Variants in ZNF385D observed in about 807,000 individuals in gnomAD.
ZNF385D encodes the protein zinc finger protein 659.
ZNF385D carries 15 observed loss-of-function variants against 35.8 expected under a neutral mutation model. The observed-to-expected ratio is 0.42, with a 90% CI of 0.28 to 0.64. ZNF385D has a LOEUF of 0.64. Ranked by LOEUF, ZNF385D falls within the 30% of genes least tolerant of loss-of-function variation. ZNF385D has a pLI of 0.23. For missense variants in ZNF385D, 474 were observed against 494.6 expected (o/e 0.96, Z 0.39); for synonymous variants, 212 against 186.8 (o/e 1.13, Z -1.10).
At chr3:22,168,986 A>C in exon 3 of ZNF385D, 1 of 985,870 alleles carries the variant, frequency 1.0e-6, no homozygotes, top group Non-Finnish European at 1.2e-6. Flanking sequence ...CTTCAAAGTC[A>C]TCAGGTATTA....
At chr3:21,507,075 T>C (rs1471364982) in intron 4 of ZNF385D, among the ~76,000 whole-genome samples, 1 of 152,204 alleles carries the variant, frequency 6.6e-6, no homozygotes, top group East Asian at 1.9e-4. Context: ...TTATTATTTA[T>C]ACTAATAAAT....
intron 3 of ZNF385D, among the ~76,000 whole-genome samples, chr3:22,144,185 A>G (rs1416140059): frequency 6.6e-6 from 1 of 152,242 alleles, no homozygotes; most frequent in African/African-American, 2.4e-5. Flanking sequence ...AATTTTACAA[A>G]AAATAACTAC....
In ZNF385D at chr3:21,850,286, T is replaced by C. The variant is rs116498211; in HGVS notation, c.326-185258A>G. Among the ~76,000 whole-genome samples, 823 of 152,166 alleles carry C rather than the reference T, an allele frequency of 5.4e-3. 14 individuals are homozygous for C. Among genetic ancestry groups the C allele is most frequent in the African/African-American group, 0.019 (789 of 41,540 alleles). On this transcript the variant is annotated intron_variant, in intron 3 of 5. Coordinates refer to the ZNF385D transcript ENST00000494108. ...TTCTTTAAACAATTATTTTCCAACA[T>C]TGCACAGAAAGAAATATGGGATTAT...
At chr3:21,695,108 A>T (rs2067425649) in intron 1 of ZNF385D, among the ~76,000 whole-genome samples, 1 of 152,242 alleles carries the variant, frequency 6.6e-6, no homozygotes, top group African/African-American at 2.4e-5. Flanking sequence ...GGAGTTGTGT[A>T]TAAATGAACA....
chr3:21,733,657 A>T (rs1214463801), intron 1 of ZNF385D, among the ~76,000 whole-genome samples: 2 of 152,196 alleles, frequency 1.3e-5, no homozygotes, highest in Non-Finnish European at 2.9e-5. Flanking sequence ...GATTACAAAG[A>T]CTTTCCACTG....
chr3:22,151,690 A>T (rs973415277), intron 3 of ZNF385D, among the ~76,000 whole-genome samples: 1 of 152,140 alleles, frequency 6.6e-6, no homozygotes, highest in African/African-American at 2.4e-5. Flanking sequence ...TGTTTTACTC[A>T]AAGTCCAGCG....
intron 3 of ZNF385D, among the ~76,000 whole-genome samples, chr3:21,878,979 G>C (rs904948808): frequency 1.3e-5 from 2 of 151,964 alleles, no homozygotes; most frequent in Non-Finnish European, 2.9e-5. Flanking sequence ...GAGAGCAGGA[G>C]GGTAGGACAG....
chr3:21,487,813 T>A (rs1255554564), intron 4 of ZNF385D, among the ~76,000 whole-genome samples: 1 of 152,128 alleles, frequency 6.6e-6, no homozygotes, highest in African/African-American at 2.4e-5. Context: ...TATTATATCT[T>A]TATTCACAAC....
intron 3 of ZNF385D, among the ~76,000 whole-genome samples, chr3:22,001,145 C>T (rs988170877): frequency 1.1e-4 from 16 of 152,010 alleles, no homozygotes; most frequent in East Asian, 1.9e-4. Context: ...TCCTCACCTA[C>T]CAATAATCGT....
At chr3:21,806,427 G>A (rs758132265) in intron 3 of ZNF385D, among the ~76,000 whole-genome samples, 1 of 151,908 alleles carries the variant, frequency 6.6e-6, no homozygotes, top group Non-Finnish European at 1.5e-5. Context: ...GGATGGTCTC[G>A]ATCTCCTGAC....
chr3:22,135,982 T>G (rs1277553043), intron 3 of ZNF385D, among the ~76,000 whole-genome samples: 1 of 152,042 alleles, frequency 6.6e-6, no homozygotes, highest in Non-Finnish European at 1.5e-5. Flanking sequence ...TGAAAATGGG[T>G]CACACCCTTG....
At chr3:21,951,650 G>A (rs929092251) in intron 3 of ZNF385D, among the ~76,000 whole-genome samples, 4 of 151,534 alleles carry the variant, frequency 2.6e-5, no homozygotes, top group Non-Finnish European at 4.4e-5. Flanking sequence ...TGTTTTCCAT[G>A]ACAATGCTTT....
intron 1 of ZNF385D, among the ~76,000 whole-genome samples, chr3:21,723,868 A>G (rs1048658873): frequency 4.6e-5 from 7 of 152,164 alleles, no homozygotes; most frequent in Admixed American, 6.5e-5. Context: ...CATGGTGGAA[A>G]TGAAGGAAAA....
chr3:21,844,131 T>C (rs193115004), intron 3 of ZNF385D, among the ~76,000 whole-genome samples: 3 of 152,118 alleles, frequency 2.0e-5, no homozygotes, highest in East Asian at 1.9e-4. Flanking sequence ...CACTATCTTA[T>C]GTAATTTAAC....
intron 3 of ZNF385D, among the ~76,000 whole-genome samples, chr3:21,952,511 T>C (rs938847731): frequency 1.2e-4 from 19 of 152,144 alleles, no homozygotes; most frequent in Non-Finnish European, 4.4e-5. Flanking sequence ...TCAAATGGCC[T>C]GGGTTTAAGT....
chr3:21,757,923 G>C (rs1229352934), intron 3 of ZNF385D, among the ~76,000 whole-genome samples: 2 of 152,150 alleles, frequency 1.3e-5, no homozygotes, highest in African/African-American at 4.8e-5. Context: ...TATATGTTGA[G>C]TGAATAAATC....
chr3:22,026,344 G>C (rs759099970), intron 3 of ZNF385D, among the ~76,000 whole-genome samples: 14 of 152,056 alleles, frequency 9.2e-5, no homozygotes, highest in Admixed American at 4.6e-4. Context: ...CAATTTATGT[G>C]GTGAATCTTT....
intron 3 of ZNF385D, among the ~76,000 whole-genome samples, chr3:21,978,007 T>C (rs1378637005): frequency 2.6e-5 from 4 of 152,194 alleles, no homozygotes; most frequent in Admixed American, 6.5e-5. Context: ...AGGAAAGAAC[T>C]AGATACACCA....
chr3:21,590,220 T>C (rs1190953030), intron 2 of ZNF385D, among the ~76,000 whole-genome samples: 1 of 152,078 alleles, frequency 6.6e-6, no homozygotes, highest in Non-Finnish European at 1.5e-5. Flanking sequence ...AGACACATAA[T>C]AGGGAGTGGA....
Sources: gnomAD v4.1 joint callset for allele counts (sites outside exome capture counted in the v4.1 genomes callset) on GRCh38, gnomAD v4.1.1 for gene constraint, MANE v1.5 for transcripts, NCBI Gene and HGNC (gene_info 2026-07-23, HGNC 2026-07-21) for gene names.